RNF150: variants seen among roughly 807,000 people sequenced by gnomAD.
The protein encoded by RNF150 is ring finger protein 150.
RNF150 carries 24 observed loss-of-function variants against 39.3 expected under a neutral mutation model. The observed-to-expected ratio is 0.61, with a 90% CI of 0.44 to 0.86. The LOEUF is 0.86. RNF150 is among the 40% of genes least tolerant of loss of function. The pLI is 0.00. For missense variants in RNF150, 502 were observed against 587.8 expected (o/e 0.85, Z 1.51); for synonymous variants, 255 against 227.3 (o/e 1.12, Z -1.10).
intron 2 of RNF150, among the ~76,000 whole-genome samples, chr4:140,963,380 T>C (rs1477315804): frequency 2.0e-5 from 3 of 152,042 alleles, no homozygotes; most frequent in Non-Finnish European, 4.4e-5. Flanking sequence ...AATAAGACTT[T>C]CTGTAGTGAT....
At chr4:140,874,403 A>G (rs1035228776) in intron 6 of RNF150, among the ~76,000 whole-genome samples, 4 of 152,186 alleles carry the variant, frequency 2.6e-5, no homozygotes, top group African/African-American at 9.7e-5. Context: ...CCATGTCAGG[A>G]TCCTGCTGCA....
At position 140,985,786 on chromosome 4, in the gene RNF150, T is replaced by C. The variant is rs1287374053; in HGVS notation, c.485-17913A>G. Among the ~76,000 whole-genome samples, 5 of 152,232 alleles carry C rather than the reference T, an allele frequency of 3.3e-5. No individual in the cohort carries two copies. In the East Asian group the frequency reaches 7.7e-4, roughly 23 times the overall value. ...TGGATATATGGGTTATATAAGATAT[T>C]TTAGTTTTAATTTTGCTTGCTTCTA... On this transcript the variant is annotated intron_variant, in intron 1 of 6. Coordinates refer to ENST00000515673, the MANE Select transcript of RNF150 (RefSeq NM_020724.2).
rs1160349786 is a variant in RNF150 at position 140,865,317 on chromosome 4, T to C, written c.*2944A>G. 6.6e-6 allele frequency: 1 copy of C among 152,388 alleles called. No individual in the cohort carries two copies. The highest frequency in any genetic ancestry group is 1.5e-5 in the Non-Finnish European group (1 of 68,036). 9.4% of individuals were successfully genotyped at this position (152,388 alleles called of 1,614,324 possible). ...TTTAAAATTATGTCTGTGACTTGCA[T>C]TACGTTTCTGTTGGACAGTGCTAGT... On this transcript the variant is annotated 3_prime_UTR_variant, in exon 7 of 7. Coordinates refer to ENST00000515673, the MANE Select transcript of RNF150 (RefSeq NM_020724.2).
chr4:141,092,571 T>C (rs1738626722), intron 1 of RNF150, among the ~76,000 whole-genome samples: 1 of 152,114 alleles, frequency 6.6e-6, no homozygotes, highest in African/African-American at 2.4e-5. Context: ...CAAATTATTT[T>C]ATTTTTCTTA....
At chr4:140,944,090 A>T (rs576747023) in intron 4 of RNF150, among the ~76,000 whole-genome samples, 52 of 152,320 alleles carry the variant, frequency 3.4e-4, no homozygotes, top group African/African-American at 1.2e-3. Flanking sequence ...ATCCCTGAAG[A>T]ACAGTAGGGA....
chr4:140,941,044 C>T (rs886444843), intron 4 of RNF150, among the ~76,000 whole-genome samples: 2 of 151,466 alleles, frequency 1.3e-5, no homozygotes, highest in East Asian at 1.9e-4. Flanking sequence ...TTCAAGTATC[C>T]AAAAATACAT....
chr4:141,101,121 A>C (rs1738994560), intron 1 of RNF150, among the ~76,000 whole-genome samples: 1 of 152,174 alleles, frequency 6.6e-6, no homozygotes, highest in Non-Finnish European at 1.5e-5. Flanking sequence ...CACTAAATTT[A>C]TTTTAAAATT....
intron 1 of RNF150, among the ~76,000 whole-genome samples, chr4:141,203,062 T>TATATAA (rs1367696003): frequency 6.8e-5 from 9 of 131,674 alleles, no homozygotes; most frequent in Non-Finnish European, 1.4e-4. Context: ...AGATTTTATA[T>TATATAA]ATATATATAT....
chr4:141,025,700 C>G (rs1735670363), intron 1 of RNF150, among the ~76,000 whole-genome samples: 1 of 152,040 alleles, frequency 6.6e-6, no homozygotes, highest in Non-Finnish European at 1.5e-5. Flanking sequence ...TTAAAGCATT[C>G]TAAATTTCTT....
chr4:140,861,057 C>A lies in RNF150; in HGVS notation c.*7204G>T, dbSNP rs990197586. On this transcript the variant is annotated 3_prime_UTR_variant, in exon 7 of 7. Transcript: ENST00000515673. ...TAAAAATAACAGTCCCTCCCCACTCCCACCCCTACATCTCCTTCTAATTAT... is the reference window on the plus strand; with the variant it reads ...TAAAAATAACAGTCCCTCCCCACTCACACCCCTACATCTCCTTCTAATTAT... 2 of 152,070 alleles carry A rather than the reference C, an allele frequency of 1.3e-5. No homozygotes were observed. The highest frequency in any genetic ancestry group is 4.8e-5 in the African/African-American group (2 of 41,398). The allele number at this position is 152,070 out of a possible 1,614,324, so 9.4% of individuals were successfully genotyped here. A position where few individuals can be genotyped will look rare whatever the true frequency, so the allele number is the denominator to read the frequency against.
chr4:141,195,127 C>CA (rs59341151), intron 1 of RNF150, among the ~76,000 whole-genome samples: 4 of 151,474 alleles, frequency 2.6e-5, no homozygotes, highest in Non-Finnish European at 4.4e-5. Context: ...CACACACACA[C>CA]CTGTGCACAA....
intron 1 of RNF150, among the ~76,000 whole-genome samples, chr4:140,978,940 G>T (rs6829045): frequency 0.96 from 146,689 of 152,232 alleles, 70,886 homozygotes; most frequent in East Asian, 1. Context: ...TAATAATGCT[G>T]AAATAACTTT....
chr4:141,065,463 T>C (rs940825533), intron 1 of RNF150, among the ~76,000 whole-genome samples: 6 of 152,192 alleles, frequency 3.9e-5, no homozygotes, highest in Non-Finnish European at 8.8e-5. Context: ...TCCTCCTATT[T>C]GTAATATATT....
At chr4:140,976,674 C>T (rs571745454) in intron 1 of RNF150, among the ~76,000 whole-genome samples, 1 of 151,948 alleles carries the variant, frequency 6.6e-6, no homozygotes, top group Admixed American at 6.6e-5. Flanking sequence ...CATCAACCCT[C>T]TCCTGGCCTC....
chr4:141,113,664 C>A (rs541498783), intron 1 of RNF150, among the ~76,000 whole-genome samples: 1 of 152,096 alleles, frequency 6.6e-6, no homozygotes, highest in African/African-American at 2.4e-5. Context: ...CTGGACCAAG[C>A]AGACCTAACA....
At position 140,861,700 on chromosome 4, in the gene RNF150, G is replaced by A. The variant is rs968977056; in HGVS notation, c.*6561C>T. Reference sequence around the variant, plus strand: ...CAACAGTTTTGTATCTTCTTCGAAAGAGCAGGATATACTATATTTAGCTAG... The same window carrying A: ...CAACAGTTTTGTATCTTCTTCGAAAAAGCAGGATATACTATATTTAGCTAG... On this transcript the variant is annotated 3_prime_UTR_variant, in exon 7 of 7. Transcript: ENST00000515673. 2 of 152,194 alleles carry A rather than the reference G, an allele frequency of 1.3e-5. No homozygotes were observed. Among genetic ancestry groups the A allele is most frequent in the African/African-American group, 4.8e-5 (2 of 41,446 alleles). 9.4% of individuals were successfully genotyped at this position (152,194 alleles called of 1,614,324 possible).
intron 1 of RNF150, among the ~76,000 whole-genome samples, chr4:141,059,719 T>C (rs1737137257): frequency 6.6e-6 from 1 of 152,136 alleles, no homozygotes; most frequent in African/African-American, 2.4e-5. Flanking sequence ...AAAGAATCTA[T>C]TTGAGGAATT....
chr4:141,151,085 G>A (rs202107549), intron 1 of RNF150, among the ~76,000 whole-genome samples: 20 of 151,904 alleles, frequency 1.3e-4, no homozygotes, highest in South Asian at 4.2e-4. Flanking sequence ...GACTAGAGGC[G>A]TACATTACCA....
chr4:141,152,348 T>C (rs1727317132), intron 1 of RNF150, among the ~76,000 whole-genome samples: 1 of 152,124 alleles, frequency 6.6e-6, no homozygotes, highest in Non-Finnish European at 1.5e-5. Context: ...TTACTAACTT[T>C]TGAGATGAAT....
Sources: gnomAD v4.1 joint callset for allele counts (sites outside exome capture counted in the v4.1 genomes callset) on GRCh38, gnomAD v4.1.1 for gene constraint, MANE v1.5 for transcripts, NCBI Gene and HGNC (gene_info 2026-07-23, HGNC 2026-07-21) for gene names.